The following INSC variants were observed in gnomAD, a reference collection of about 807,000 sequenced individuals.
The protein encoded by INSC is INSC spindle orientation adaptor protein, also known as protein inscuteable homolog.
In INSC, 67 loss-of-function variants were observed where a neutral mutation model predicts 58.6. The observed-to-expected ratio is 1.14, with a 90% CI of 0.94 to 1.40. The LOEUF (loss-of-function observed/expected upper bound fraction) is 1.40. Ranked by LOEUF, INSC falls within the 40% of genes most tolerant of loss-of-function variation. The probability of loss-of-function intolerance (pLI) is 0.00; values close to 1 mark genes in which losing one functional copy is unlikely to be tolerated. For synonymous variants in INSC, 262 were observed against 276.1 expected (o/e 0.95, Z 0.51); for missense variants, 714 against 692.0 (o/e 1.03, Z -0.36).
At chr11:15,211,997 A>G (rs1851043270) in intron 7 of INSC, among the ~76,000 whole-genome samples, 1 of 152,190 alleles carries the variant, frequency 6.6e-6, no homozygotes, top group Non-Finnish European at 1.5e-5. Context: ...GGTAATTCTT[A>G]ATTTCTTTAC....
upstream of INSC, among the ~76,000 whole-genome samples, chr11:15,113,554 C>T (rs1227866811): frequency 6.6e-6 from 1 of 152,194 alleles, no homozygotes; most frequent in African/African-American, 2.4e-5. Context: ...AGTGGTAATG[C>T]CCAGCCAGGC....
upstream of INSC, chr11:15,112,392 G>T (rs565870131): frequency 2.4e-6 from 3 of 1,246,942 alleles, no homozygotes; most frequent in African/African-American, 4.5e-5. Context: ...TGGCCCAGAA[G>T]GGTGGGCAAA....
intron 2 of INSC, among the ~76,000 whole-genome samples, chr11:15,156,575 A>G (rs1848821652): frequency 6.6e-6 from 1 of 152,222 alleles, no homozygotes; most frequent in Non-Finnish European, 1.5e-5. Context: ...TCAAGCATTT[A>G]GCACACTGCC....
At chr11:15,243,750 C>T (rs1852449186) in intron 12 of INSC, among the ~76,000 whole-genome samples, 1 of 151,992 alleles carries the variant, frequency 6.6e-6, no homozygotes, top group Non-Finnish European at 1.5e-5. Context: ...CCCTTCTTCC[C>T]CTCTTTTTAT....
downstream of INSC, among the ~76,000 whole-genome samples, chr11:15,248,836 A>T (rs1852619926): frequency 6.6e-6 from 1 of 152,210 alleles, no homozygotes; most frequent in Non-Finnish European, 1.5e-5. Flanking sequence ...AAGTTTTAGT[A>T]AAGAGACTAT....
intron 7 of INSC, among the ~76,000 whole-genome samples, chr11:15,209,189 C>T (rs1302610827): frequency 1.3e-5 from 2 of 152,176 alleles, no homozygotes; most frequent in African/African-American, 4.8e-5. Context: ...AGCACATTGC[C>T]CCTTTGGTAA....
intron 2 of INSC, among the ~76,000 whole-genome samples, chr11:15,173,943 C>T (rs1849488258): frequency 6.6e-6 from 1 of 152,128 alleles, no homozygotes; most frequent in African/African-American, 2.4e-5. Flanking sequence ...ATAATTTCAA[C>T]CCTACTTGGT....
At chr11:15,232,926 T>G (rs1208127853) in intron 9 of INSC, among the ~76,000 whole-genome samples, 3 of 152,360 alleles carry the variant, frequency 2.0e-5, no homozygotes. Context: ...CAACTTGATT[T>G]TTGCTATGTA....
intron 7 of INSC, among the ~76,000 whole-genome samples, chr11:15,211,734 C>G (rs1009893351): frequency 2.0e-5 from 3 of 151,932 alleles, no homozygotes; most frequent in African/African-American, 7.3e-5. Flanking sequence ...ATTTTTTTCC[C>G]ATATGGATAC....
chr11:15,192,796 T>TA lies in INSC; in HGVS notation c.693+1984dup, dbSNP rs1470082115. On this transcript the variant is annotated intron_variant, in intron 6 of 12. Transcript: ENST00000379556. ...TCTCCATCTCTCATGTCCCCAGTTC[T>TA]AATGCAAGTTCTCAGGGTACTACAC... Among the ~76,000 whole-genome samples the TA allele has an allele frequency of 2.0e-5, 3 of 152,346 alleles. No homozygotes were observed. In the East Asian group the frequency reaches 5.8e-4, roughly 29 times the overall value.
intron 5 of INSC, among the ~76,000 whole-genome samples, chr11:15,180,080 C>A (rs796743936): frequency 6.6e-6 from 1 of 152,056 alleles, no homozygotes; most frequent in Non-Finnish European, 1.5e-5. Flanking sequence ...CGTGGTGAAA[C>A]CCCATCTGTA....
At chr11:15,174,102 T>C (rs1573544) in intron 2 of INSC, among the ~76,000 whole-genome samples, 131,658 of 151,150 alleles carry the variant, frequency 0.87, 57,462 homozygotes, top group East Asian at 0.99. Flanking sequence ...ATCTTCCACC[T>C]TGGCTGACTA....
chr11:15,246,858 G>C lies in INSC; in HGVS notation c.*818G>C, dbSNP rs1250972510. The C allele has an allele frequency of 6.6e-6, 1 of 152,188 alleles. No individual in the cohort carries two copies. Among genetic ancestry groups the C allele is most frequent in the East Asian group, 1.9e-4 (1 of 5,186 alleles). The allele number at this position is 152,188 out of a possible 1,614,324, so 9.4% of individuals were successfully genotyped here. A position where few individuals can be genotyped will look rare whatever the true frequency, so the allele number is the denominator to read the frequency against. On this transcript the variant is annotated 3_prime_UTR_variant, in exon 13 of 13. Transcript: ENST00000379556. Reference sequence around the variant, plus strand: ...TGAAAGCAGTGGTGTGCTGAAGCCAGCTCATGCCCACTCACAAGGGACAAC... The same window carrying C: ...TGAAAGCAGTGGTGTGCTGAAGCCACCTCATGCCCACTCACAAGGGACAAC...
chr11:15,198,449 G>A (rs1180077516), intron 6 of INSC, among the ~76,000 whole-genome samples: 1 of 152,106 alleles, frequency 6.6e-6, no homozygotes, highest in Admixed American at 6.6e-5. Flanking sequence ...ATATAGTTGT[G>A]CTGGGCTCAG....
chr11:15,202,566 A>G (rs1850635115), intron 7 of INSC, among the ~76,000 whole-genome samples: 1 of 152,180 alleles, frequency 6.6e-6, no homozygotes, highest in Admixed American at 6.5e-5. Context: ...CGTTCTGAAT[A>G]ATTCCCTCCC....
intron 2 of INSC, among the ~76,000 whole-genome samples, chr11:15,166,722 AC>A (rs1350564341): frequency 6.6e-6 from 1 of 152,212 alleles, no homozygotes; most frequent in East Asian, 1.9e-4. Context: ...ATTTATTGAT[AC>A]CTACTGTGTG....
chr11:15,230,766 C>T (rs933447672), intron 9 of INSC, among the ~76,000 whole-genome samples: 9 of 152,178 alleles, frequency 5.9e-5, no homozygotes, highest in African/African-American at 2.2e-4. Context: ...ATCCCTGGGG[C>T]GAGGGAGCTG....
At chr11:15,140,882 G>A (rs1439574066) in intron 1 of INSC, among the ~76,000 whole-genome samples, 1 of 152,072 alleles carries the variant, frequency 6.6e-6, no homozygotes, top group Non-Finnish European at 1.5e-5. Flanking sequence ...ACTGCACACA[G>A]CCTCTGTTCT....
intron 7 of INSC, among the ~76,000 whole-genome samples, chr11:15,206,899 G>A (rs1173291682): frequency 6.6e-6 from 1 of 152,160 alleles, no homozygotes; most frequent in African/African-American, 2.4e-5. Context: ...ATGCCCATTT[G>A]TCTCTACTTT....
Sources: gnomAD v4.1 joint callset for allele counts (sites outside exome capture counted in the v4.1 genomes callset) on GRCh38, gnomAD v4.1.1 for gene constraint, MANE v1.5 for transcripts, NCBI Gene and HGNC (gene_info 2026-07-23, HGNC 2026-07-21) for gene names.